KSR2: variants seen among roughly 807,000 people sequenced by gnomAD.
KSR2 encodes the protein kinase suppressor of ras 2.
Under a neutral mutation model 107.8 loss-of-function variants are expected in KSR2, and 25 were observed. The observed-to-expected ratio is 0.23, with a 90% CI of 0.17 to 0.32. KSR2 has a LOEUF of 0.32. Ranked by LOEUF, KSR2 falls within the 10% of genes least tolerant of loss-of-function variation. KSR2 has a pLI of 1.00. For synonymous variants in KSR2, 480 were observed against 507.0 expected (o/e 0.95, Z 0.71); for missense variants, 887 against 1,268.9 (o/e 0.70, Z 4.57).
At chr12:117,717,633 C>T (rs1887035454) in intron 4 of KSR2, among the ~76,000 whole-genome samples, 3 of 151,382 alleles carry the variant, frequency 2.0e-5, no homozygotes, top group Admixed American at 2.0e-4. Flanking sequence ...AGTCTATCTA[C>T]CATCCATCCA....
chr12:117,848,234 A>C (rs1892770117), intron 3 of KSR2, among the ~76,000 whole-genome samples: 3 of 152,210 alleles, frequency 2.0e-5, no homozygotes, highest in South Asian at 2.1e-4. Context: ...CAGCAACAGC[A>C]CTCTGATAGC....
At position 117,937,610 on chromosome 12, in the gene KSR2, C is replaced by T. The variant is rs114268820; in HGVS notation, c.180+30466G>A. 6.5e-3 allele frequency among the ~76,000 whole-genome samples: 981 copies of T among 152,004 alleles called. 14 individuals are homozygous for T. The highest frequency in any genetic ancestry group is 0.021 in the African/African-American group (876 of 41,442). On this transcript the variant is annotated intron_variant, in intron 1 of 19. Coordinates refer to ENST00000339824, the MANE Select transcript of KSR2 (RefSeq NM_173598.6). Reference sequence around the variant, plus strand: ...ATAAGGAGATGAGGCAGGAAGGAGACGCAAAGGAACCCAGTTTAAAGACAG... The same window carrying T: ...ATAAGGAGATGAGGCAGGAAGGAGATGCAAAGGAACCCAGTTTAAAGACAG...
rs146804013 is a variant in KSR2 at position 117,918,517 on chromosome 12, G to A, written c.180+49559C>T. ...CAAATATTGTCTCTTGGCCAGGCGC[G>A]GTGGCTCACACCTGTAATCCCAGCA... On this transcript the variant is annotated intron_variant, in intron 1 of 19. Transcript: ENST00000339824. Among the ~76,000 whole-genome samples the A allele has an allele frequency of 2.0e-3, 305 of 152,214 alleles. 1 individual carries two copies. The highest frequency in any genetic ancestry group is 5.1e-3 in the African/African-American group (212 of 41,534).
intron 7 of KSR2, among the ~76,000 whole-genome samples, chr12:117,576,973 C>T (rs1257354853): frequency 6.6e-6 from 1 of 152,072 alleles, no homozygotes; most frequent in Non-Finnish European, 1.5e-5. Context: ...CTCTTTATAC[C>T]ACTGGGGCTT....
chr12:117,928,228 G>A (rs1340834415), intron 1 of KSR2, among the ~76,000 whole-genome samples: 1 of 150,258 alleles, frequency 6.7e-6, no homozygotes, highest in African/African-American at 2.4e-5. Flanking sequence ...CACCCAGGCT[G>A]GAGTGCAGTG....
Position 117,760,954 on chromosome 12 carries a change from G to A in KSR2, c.986+57C>T, listed in dbSNP as rs1256367036. 3.7e-6 allele frequency: 6 copies of A among 1,603,606 alleles called. No homozygotes were observed. In the Admixed American group the frequency reaches 5.1e-5, roughly 14 times the overall value. ...CCTGGGCAGTTCCTGGGACCAAGGG[G>A]CAGCCCCTCGCAGGCCGGGTTTCGA... On this transcript the variant is annotated intron_variant, in intron 4 of 19. Transcript: ENST00000339824.
rs559320746 is a variant in KSR2 at position 117,692,160 on chromosome 12, C to G, written c.987-24502G>C. 3.3e-5 allele frequency among the ~76,000 whole-genome samples: 5 copies of G among 152,118 alleles called. No homozygotes were observed. The East Asian group carries it at 7.7e-4, about 24-fold the overall frequency. ...TGGCGAACGGCACGAAGAGACGGTT[C>G]TCCGAAGGAGATACATAAATGGTGG... On this transcript the variant is annotated intron_variant, in intron 4 of 19. Coordinates refer to ENST00000339824, the MANE Select transcript of KSR2 (RefSeq NM_173598.6).
chr12:117,583,650 G>C (rs1439342189), intron 5 of KSR2, among the ~76,000 whole-genome samples: 3 of 152,260 alleles, frequency 2.0e-5, no homozygotes, highest in South Asian at 4.2e-4. Flanking sequence ...ACTGAGTTCT[G>C]GTTCTCCCAA....
chr12:117,517,137 G>A (rs11068526), intron 14 of KSR2, among the ~76,000 whole-genome samples: 2,762 of 152,268 alleles, frequency 0.018, 61 homozygotes, highest in East Asian at 0.095. Flanking sequence ...CCCCCCATAC[G>A]TGGAGAAAAG....
intron 1 of KSR2, among the ~76,000 whole-genome samples, chr12:117,954,883 G>A (rs538341505): frequency 5.3e-5 from 8 of 152,058 alleles, no homozygotes; most frequent in African/African-American, 1.9e-4. Context: ...TGGGCATGGT[G>A]GCATGTGCCT....
chr12:117,572,180 T>C (rs1878936082), intron 7 of KSR2, among the ~76,000 whole-genome samples: 1 of 152,218 alleles, frequency 6.6e-6, no homozygotes, highest in South Asian at 2.1e-4. Context: ...CAGAGCACCC[T>C]GACGCTGCTT....
chr12:117,858,464 G>A (rs147378195), intron 2 of KSR2, among the ~76,000 whole-genome samples: 14 of 152,260 alleles, frequency 9.2e-5, no homozygotes, highest in African/African-American at 3.4e-4. Context: ...TGGGGTGGGG[G>A]CCTGGAGGAA....
At chr12:117,476,165 C>A (rs1871761947) in intron 17 of KSR2, among the ~76,000 whole-genome samples, 1 of 152,230 alleles carries the variant, frequency 6.6e-6, no homozygotes, top group Non-Finnish European at 1.5e-5. Context: ...AATCTTGTAT[C>A]CCCTGCATCT....
intron 4 of KSR2, among the ~76,000 whole-genome samples, chr12:117,728,478 T>C (rs1258066123): frequency 6.6e-6 from 1 of 152,180 alleles, no homozygotes; most frequent in African/African-American, 2.4e-5. Flanking sequence ...CTGCTGTCCA[T>C]TATAACCTGG....
chr12:117,855,329 T>C (rs752755757), intron 3 of KSR2, 99 bp downstream of exon 3: 30 of 1,520,498 alleles, frequency 2.0e-5, no homozygotes, highest in Non-Finnish European at 2.7e-5. Flanking sequence ...GTTGACTCTG[T>C]CTCGTCCTGG....
chr12:117,684,382 A>G (rs891943063), intron 4 of KSR2, among the ~76,000 whole-genome samples: 1 of 152,200 alleles, frequency 6.6e-6, no homozygotes, highest in Non-Finnish European at 1.5e-5. Context: ...AGCTCCATAA[A>G]AACAGTTTAA....
intron 4 of KSR2, among the ~76,000 whole-genome samples, chr12:117,737,434 T>C (rs1030291773): frequency 3.3e-5 from 5 of 152,210 alleles, no homozygotes; most frequent in African/African-American, 1.2e-4. Flanking sequence ...GTAAACCATC[T>C]TCTCATGCTC....
intron 3 of KSR2, among the ~76,000 whole-genome samples, chr12:117,767,217 T>C (rs1290653202): frequency 2.8e-5 from 4 of 141,246 alleles, no homozygotes; most frequent in African/African-American, 1.1e-4. Context: ...ATCGAGACCA[T>C]CCTGGCTAAC....
At chr12:117,850,096 T>C (rs950310494) in intron 3 of KSR2, among the ~76,000 whole-genome samples, 1 of 152,238 alleles carries the variant, frequency 6.6e-6, no homozygotes, top group African/African-American at 2.4e-5. Context: ...GAACCAATTA[T>C]TATTTTTGAG....
Sources: allele counts gnomAD v4.1 joint callset (sites outside exome capture counted in the v4.1 genomes callset), GRCh38; gene constraint gnomAD v4.1.1; transcripts MANE v1.5; gene names NCBI Gene and HGNC (gene_info 2026-07-23, HGNC 2026-07-21).